Variants in FBXO28 observed in about 807,000 individuals in gnomAD.
FBXO28 encodes the protein F-box protein 28, also known as F-box only protein 28.
In FBXO28, 8 loss-of-function variants were observed where a neutral mutation model predicts 38.1. The ratio of observed to expected loss-of-function variants is 0.21; its 90% CI spans 0.12 to 0.38. FBXO28 has a LOEUF of 0.38. Among genes scored for constraint, FBXO28 ranks in the 10% least tolerant of loss-of-function variants. FBXO28 has a pLI of 1.00. For missense variants in FBXO28, 345 were observed against 460.6 expected (o/e 0.75, Z 2.30); for synonymous variants, 168 against 173.8 (o/e 0.97, Z 0.26).
In FBXO28 at chr1:224,159,412, A is replaced by G. The variant is rs567859680; in HGVS notation, c.*1666A>G. Reference sequence around the variant, plus strand: ...TACATAATATTGTCCTTAGATTTTGATCAATTCTATGTCTGACTTTGAAAT... The same window carrying G: ...TACATAATATTGTCCTTAGATTTTGGTCAATTCTATGTCTGACTTTGAAAT... On this transcript the variant is annotated 3_prime_UTR_variant, in exon 5 of 5. Coordinates refer to ENST00000366862, the MANE Select transcript of FBXO28 (RefSeq NM_015176.4). 6.6e-6 allele frequency: 1 copy of G among 152,420 alleles called. No individual in the cohort carries two copies. Among genetic ancestry groups the G allele is most frequent in the Non-Finnish European group, 1.5e-5 (1 of 68,016 alleles). 9.4% of individuals were successfully genotyped at this position (152,420 alleles called of 1,614,324 possible).
chr1:224,144,333 C>T (rs1355345736), intron 3 of FBXO28, among the ~76,000 whole-genome samples: 2 of 151,984 alleles, frequency 1.3e-5, no homozygotes, highest in Non-Finnish European at 2.9e-5. Context: ...TGGTGGCACA[C>T]ACCTATGGTC....
chr1:224,146,750 C>T (rs1231796924), intron 3 of FBXO28, among the ~76,000 whole-genome samples: 2 of 148,006 alleles, frequency 1.4e-5, no homozygotes, highest in African/African-American at 5.0e-5. Flanking sequence ...CTGTGTCGCC[C>T]AGGCTGGAGT....
At chr1:224,131,361 C>T (rs1422283817) in intron 2 of FBXO28, among the ~76,000 whole-genome samples, 1 of 151,168 alleles carries the variant, frequency 6.6e-6, no homozygotes. Flanking sequence ...CTGACAATAA[C>T]CAAAGCAATT....
chr1:224,157,821 G>T lies in FBXO28; in HGVS notation c.*75G>T. 1 of 1,504,420 alleles carries T rather than the reference G, an allele frequency of 6.6e-7. No individual in the cohort carries two copies. Among genetic ancestry groups the T allele is most frequent in the South Asian group, 1.4e-5 (1 of 72,376 alleles). 93.2% of individuals were successfully genotyped at this position (1,504,420 alleles called of 1,614,324 possible). A position where few individuals can be genotyped will look rare whatever the true frequency, so the allele number is the denominator to read the frequency against. ...GCAGTTATGCATATCAGGATACTGT[G>T]AGCAACATGGTGTCCCTTAAGCTTC... On this transcript the variant is annotated 3_prime_UTR_variant, in exon 5 of 5. Transcript: ENST00000366862.
chr1:224,128,232 T>TA (rs397724874), intron 1 of FBXO28, among the ~76,000 whole-genome samples: 16 of 82,772 alleles, frequency 1.9e-4, no homozygotes, highest in South Asian at 4.0e-4. Context: ...TGTCTTTTTT[T>TA]ATTATTATTA....
At position 224,158,303 on chromosome 1, in the gene FBXO28, C is replaced by A. The variant is rs994466131; in HGVS notation, c.*557C>A. Reference sequence around the variant, plus strand: ...CCATAGTATTGACTGTAGAAGGAGCCTCTACAATATTGACTATATATTTTT... The same window carrying A: ...CCATAGTATTGACTGTAGAAGGAGCATCTACAATATTGACTATATATTTTT... On this transcript the variant is annotated 3_prime_UTR_variant, in exon 5 of 5. Transcript: ENST00000366862. The A allele has an allele frequency of 3.9e-5, 30 of 769,886 alleles. No homozygotes were observed. The highest frequency in any genetic ancestry group is 4.6e-5 in the Non-Finnish European group (29 of 633,522). The allele number at this position is 769,886 out of a possible 1,614,324, so 47.7% of individuals were successfully genotyped here. A position where few individuals can be genotyped will look rare whatever the true frequency, so the allele number is the denominator to read the frequency against.
At chr1:224,138,003 A>G (rs1657236853) in intron 3 of FBXO28, among the ~76,000 whole-genome samples, 2 of 151,748 alleles carry the variant, frequency 1.3e-5, no homozygotes, top group Admixed American at 1.3e-4. Context: ...TGAGGCGGGC[A>G]AATCACTTGA....
At chr1:224,131,545 A>G (rs376415358) in intron 2 of FBXO28, among the ~76,000 whole-genome samples, 2 of 152,212 alleles carry the variant, frequency 1.3e-5, no homozygotes, top group Non-Finnish European at 2.9e-5. Context: ...TGATTTTAAC[A>G]AGGATGTCAA....
intron 1 of FBXO28, among the ~76,000 whole-genome samples, chr1:224,123,721 A>G (rs1055653394): frequency 1.3e-5 from 2 of 152,192 alleles, no homozygotes; most frequent in African/African-American, 4.8e-5. Context: ...AAGACATTAT[A>G]TATCGTAGGT....
intron 3 of FBXO28, among the ~76,000 whole-genome samples, chr1:224,148,825 C>A (rs577297334): frequency 1.4e-5 from 2 of 147,266 alleles, no homozygotes; most frequent in Admixed American, 1.4e-4. Flanking sequence ...GTACCTTCCT[C>A]CTGCTCTAAC....
In FBXO28 at chr1:224,114,284, C is replaced by T. The variant is rs1656589594; in HGVS notation, c.155C>T (p.Ala52Val). 3 of 1,557,796 alleles carry T rather than the reference C, an allele frequency of 1.9e-6. No individual in the cohort carries two copies. Among genetic ancestry groups the T allele is most frequent in the Non-Finnish European group, 1.7e-6 (2 of 1,150,878 alleles). The change falls in exon 1 of 5, where the codon GCG (alanine) becomes GTG (valine). Residue 52 changes from alanine (A) to valine (V), a missense_variant. This residue lies in a region of FBXO28 where 104 missense variants were observed against 82.0 expected (regional missense o/e 1.27). Transcript: ENST00000366862. Reference protein sequence around the residue: ...QPGSQALPAPALAPDQLPQNN... With the variant: ...QPGSQALPAPVLAPDQLPQNN... ...GGGTCCCAGGCGCTCCCAGCCCCCGCGCTGGCTCCGGACCAGCTGCCTCAA... is the reference window on the plus strand; with the variant it reads ...GGGTCCCAGGCGCTCCCAGCCCCCGTGCTGGCTCCGGACCAGCTGCCTCAA...
chr1:224,125,966 G>A (rs2008340), intron 1 of FBXO28, among the ~76,000 whole-genome samples: 21,500 of 152,144 alleles, frequency 0.14, 1,618 homozygotes, highest in Middle Eastern at 0.23. Flanking sequence ...CTGATTTCTC[G>A]ACTCAAAACA....
chr1:224,142,630 A>AG (rs1032402157), intron 3 of FBXO28, among the ~76,000 whole-genome samples: 58 of 152,138 alleles, frequency 3.8e-4, no homozygotes, highest in African/African-American at 1.3e-3. Flanking sequence ...AGCCTGGCCA[A>AG]CATGGTGAAG....
chr1:224,131,171 A>G (rs1295632469), intron 2 of FBXO28: 1 of 151,662 alleles, frequency 6.6e-6, no homozygotes, highest in African/African-American at 2.4e-5. Context: ...TGTTAAGATG[A>G]CGGTACTCCC....
chr1:224,154,193 C>T (rs1309020173), intron 4 of FBXO28, among the ~76,000 whole-genome samples: 1 of 152,230 alleles, frequency 6.6e-6, no homozygotes, highest in African/African-American at 2.4e-5. Context: ...GCTCAGAACA[C>T]TTCCTTAGCT....
chr1:224,115,419 G>GTATAA (rs1429554821), intron 1 of FBXO28, among the ~76,000 whole-genome samples: 7 of 152,172 alleles, frequency 4.6e-5, no homozygotes, highest in Non-Finnish European at 8.8e-5. Context: ...AATGTGCTGT[G>GTATAA]TATAACATCT....
chr1:224,127,609 A>T (rs953881212), intron 1 of FBXO28, among the ~76,000 whole-genome samples: 1 of 152,170 alleles, frequency 6.6e-6, no homozygotes, highest in Non-Finnish European at 1.5e-5. Flanking sequence ...AGATTCTACC[A>T]TATTTTAACA....
At chr1:224,155,855 A>C (rs966706141) in intron 4 of FBXO28, among the ~76,000 whole-genome samples, 1 of 152,240 alleles carries the variant, frequency 6.6e-6, no homozygotes, top group Non-Finnish European at 1.5e-5. Context: ...CAAGGATCTT[A>C]CTATTTCAAA....
At chr1:224,135,301 T>G (rs1407694347) in intron 3 of FBXO28, among the ~76,000 whole-genome samples, 2 of 152,146 alleles carry the variant, frequency 1.3e-5, no homozygotes, top group African/African-American at 4.8e-5. Context: ...TCATATAGCA[T>G]CATAGTTTTT....
Sources: allele counts gnomAD v4.1 joint callset (sites outside exome capture counted in the v4.1 genomes callset), GRCh38; gene constraint gnomAD v4.1.1; regional missense constraint gnomAD v4.1.1; transcripts MANE v1.5; gene names NCBI Gene and HGNC (gene_info 2026-07-23, HGNC 2026-07-21).